The following TTC34 variants were observed in gnomAD, a reference collection of about 807,000 sequenced individuals.
TTC34 encodes tetratricopeptide repeat domain 34.
TTC34 carries 44 observed loss-of-function variants against 40.7 expected under a neutral mutation model. That is an observed-to-expected ratio of 1.08 (90% CI 0.85 to 1.39). The LOEUF is 1.39. Ranked by LOEUF, TTC34 falls within the 40% of genes most tolerant of loss-of-function variation. The pLI, the probability that TTC34 is intolerant of heterozygous loss-of-function variation, is 0.00. For missense variants in TTC34, 884 were observed against 838.0 expected (o/e 1.05, Z -0.68); for synonymous variants, 422 against 398.6 (o/e 1.06, Z -0.70).
Position 2,691,722 on chromosome 1 carries a change from C to G in TTC34, c.2227-46159G>C, listed in dbSNP as rs572832684. Among the ~76,000 whole-genome samples the G allele has an allele frequency of 1.3e-4, 13 of 98,440 alleles. 2 individuals carry two copies. The highest frequency in any genetic ancestry group is 4.4e-4 in the African/African-American group (13 of 29,740). 64.6% of individuals were successfully genotyped at this position (98,440 alleles called of 152,430 possible). ...CCCACATCCCCAGGTGAGCATTGGA[C>G]AGCCTGGAGCAGCACCCACATTCCC... is the stretch of plus-strand genomic sequence containing the variant. On this transcript the variant is annotated intron_variant, in intron 6 of 8. Coordinates refer to ENST00000401095, the Ensembl canonical transcript of TTC34.
At chr1:2,696,398 C>A (rs1273980391) in intron 6 of TTC34, among the ~76,000 whole-genome samples, 139 of 23,184 alleles carry the variant, frequency 6.0e-3, no homozygotes, top group Non-Finnish European at 8.6e-3. Context: ...GCACCCTACA[C>A]CCCCAGGGGA....
At chr1:2,656,134 G>A (rs60264562) in intron 6 of TTC34, among the ~76,000 whole-genome samples, 1 of 149,236 alleles carries the variant, frequency 6.7e-6, no homozygotes, top group African/African-American at 2.5e-5. Flanking sequence ...AGAACCCACA[G>A]CCCCAGGTGA....
intron 6 of TTC34, among the ~76,000 whole-genome samples, chr1:2,692,690 G>C: frequency 7.6e-6 from 1 of 132,342 alleles, no homozygotes; most frequent in Non-Finnish European, 1.6e-5. Flanking sequence ...CTGACAGCCT[G>C]GAGCAGCACC....
At chr1:2,699,845 G>A (rs368864016) in intron 6 of TTC34, among the ~76,000 whole-genome samples, 2 of 46,976 alleles carry the variant, frequency 4.3e-5, no homozygotes, top group Admixed American at 2.7e-4. Context: ...CTGGAGCAGC[G>A]CCCACACCCC....
At chr1:2,767,941 A>T (rs907914064) in intron 6 of TTC34, among the ~76,000 whole-genome samples, 1 of 148,650 alleles carries the variant, frequency 6.7e-6, no homozygotes, top group Non-Finnish European at 1.5e-5. Context: ...CAAGGTGGGC[A>T]TCCGATGGCA....
exon 9 of TTC34, chr1:2,639,967 A>C (rs1638868456): frequency 6.6e-6 from 1 of 152,318 alleles, no homozygotes; most frequent in African/African-American, 2.4e-5. Flanking sequence ...ATGCAGGGCG[A>C]GGAATAGGGC....
chr1:2,641,971 G>T, intron 8 of TTC34, 76 bp from the exon 9 acceptor site: 1 of 1,396,624 alleles, frequency 7.2e-7, no homozygotes, highest in Non-Finnish European at 9.4e-7. Flanking sequence ...CCCTGCAGAG[G>T]TCCTCTGCAC....
intron 6 of TTC34, among the ~76,000 whole-genome samples, chr1:2,684,457 G>A (rs1640225891): frequency 2.1e-5 from 3 of 143,056 alleles, no homozygotes; most frequent in East Asian, 2.1e-4. Flanking sequence ...GCATCTGACG[G>A]CCTGCAACAG....
intron 6 of TTC34, among the ~76,000 whole-genome samples, chr1:2,692,373 AG>A (rs1253669980): frequency 1.4e-5 from 1 of 71,602 alleles, no homozygotes; most frequent in Non-Finnish European, 3.2e-5. Flanking sequence ...AGCCTGGAGC[AG>A]CGTCCACACC....
intron 8 of TTC34, among the ~76,000 whole-genome samples, chr1:2,642,497 C>A (rs1570743970): frequency 6.6e-6 from 1 of 152,200 alleles, no homozygotes; most frequent in South Asian, 2.1e-4. Context: ...GCTGGCCAGG[C>A]CTGCCTGCCC....
At chr1:2,799,906 G>C in intron 2 of TTC34, 138 bp downstream of exon 2, 2 of 397,882 alleles carry the variant, frequency 5.0e-6, no homozygotes, top group Non-Finnish European at 8.8e-6. Flanking sequence ...CAAAGGGGCA[G>C]GGCCTGACTT....
At chr1:2,777,695 G>GGA (rs1164510204) in intron 6 of TTC34, among the ~76,000 whole-genome samples, 1 of 151,764 alleles carries the variant, frequency 6.6e-6, no homozygotes, top group Non-Finnish European at 1.5e-5. Flanking sequence ...GCATGGGGGG[G>GGA]GGGGCGCAGC....
At chr1:2,782,591 T>G (rs1643502640) in intron 6 of TTC34, among the ~76,000 whole-genome samples, 1 of 152,188 alleles carries the variant, frequency 6.6e-6, no homozygotes, top group Admixed American at 6.5e-5. Flanking sequence ...TGATTTGAGA[T>G]CTTTCTTGTT....
At chr1:2,656,015 C>T (rs1317926673) in intron 6 of TTC34, among the ~76,000 whole-genome samples, 1,352 of 142,786 alleles carry the variant, frequency 9.5e-3, no homozygotes, top group African/African-American at 0.035. Flanking sequence ...GCACCCACAC[C>T]TCCCGGCGAG....
chr1:2,695,679 C>G (rs1271700817), intron 6 of TTC34, among the ~76,000 whole-genome samples: 5 of 151,146 alleles, frequency 3.3e-5, no homozygotes, highest in Admixed American at 2.0e-4. Context: ...CCCACACCCC[C>G]AGGTGAGCAT....
chr1:2,778,390 G>T lies in TTC34; in HGVS notation c.2226+5219C>A, dbSNP rs368715806. On this transcript the variant is annotated intron_variant, in intron 6 of 8. Transcript: ENST00000401095. ...GGGCCCCGGGGCTGTGGCTGCCTCA[G>T]GGCAGGTCTCCCTTGTGACAGCCTC... Among the ~76,000 whole-genome samples, 5 of 152,298 alleles carry T rather than the reference G, an allele frequency of 3.3e-5. No individual in the cohort carries two copies. The South Asian group carries it at 1.0e-3, about 32-fold the overall frequency.
exon 3 of TTC34, chr1:2,790,089 G>T (rs1048828851): frequency 2.0e-5 from 8 of 397,956 alleles, no homozygotes; most frequent in Non-Finnish European, 3.1e-5. Context: ...AGCAGCTCGC[G>T]GCCCGCATCC....
intron 2 of TTC34, among the ~76,000 whole-genome samples, chr1:2,799,250 T>C (rs997311369): frequency 1.3e-5 from 2 of 152,138 alleles, no homozygotes; most frequent in African/African-American, 2.4e-5. Flanking sequence ...AGTTTAAAAA[T>C]GCAGATCAGG....
intron 6 of TTC34, among the ~76,000 whole-genome samples, chr1:2,690,137 A>AC (rs1640549398): frequency 3.7e-5 from 5 of 136,030 alleles, no homozygotes; most frequent in South Asian, 2.3e-4. Context: ...CAGCACCCAC[A>AC]CCCCAAGGTG....
Sources: allele counts gnomAD v4.1 joint callset (sites outside exome capture counted in the v4.1 genomes callset), GRCh38; gene constraint gnomAD v4.1.1; transcripts MANE v1.5; gene names NCBI Gene and HGNC (gene_info 2026-07-23, HGNC 2026-07-21).